The following ADGRL2 variants were observed in gnomAD, a reference collection of about 807,000 sequenced individuals.
ADGRL2 encodes calcium-independent alpha-latrotoxin receptor 2.
ADGRL2 carries 44 observed loss-of-function variants against 157.4 expected under a neutral mutation model. That is an observed-to-expected ratio of 0.28 (90% CI 0.22 to 0.36). The LOEUF is 0.36. Ranked by LOEUF, ADGRL2 falls within the 10% of genes least tolerant of loss-of-function variation. The probability of loss-of-function intolerance (pLI) is 1.00; values close to 1 mark genes in which losing one functional copy is unlikely to be tolerated. For synonymous variants in ADGRL2, 585 were observed against 624.7 expected (o/e 0.94, Z 0.95); for missense variants, 1,510 against 1,768.9 (o/e 0.85, Z 2.63).
Position 81,324,330 on chromosome 1 carries a change from C to A in ADGRL2, c.-302+17821C>A, listed in dbSNP as rs1054595964. On this transcript the variant is annotated intron_variant, in intron 1 of 24. Transcript: ENST00000370721. The stretch of plus-strand genomic sequence containing the variant: ...AGCAGCCCAGGCAATATGGCAAAAC[C>A]CTGTCTCTACAAAAAAAAAAATACA... Among the ~76,000 whole-genome samples the A allele has an allele frequency of 7.9e-5, 10 of 126,824 alleles. No individual in the cohort carries two copies. In the Admixed American group the frequency reaches 8.6e-4, roughly 11 times the overall value. The allele number at this position is 126,824 out of a possible 152,430, so 83.2% of individuals were successfully genotyped here.
intron 3 of ADGRL2, among the ~76,000 whole-genome samples, chr1:81,679,427 C>G (rs539410530): frequency 6.6e-6 from 1 of 151,256 alleles, no homozygotes; most frequent in Non-Finnish European, 1.5e-5. Flanking sequence ...AAACAGGATT[C>G]TTTTAAAGTA....
chr1:81,865,324 CTGATA>C (rs747153401), intron 2 of ADGRL2, among the ~76,000 whole-genome samples: 1 of 152,094 alleles, frequency 6.6e-6, no homozygotes, highest in African/African-American at 2.4e-5. Flanking sequence ...CAGACTCCTC[CTGATA>C]TAAAGATAAA....
chr1:81,540,261 T>C (rs17106659), intron 2 of ADGRL2, among the ~76,000 whole-genome samples: 3,263 of 152,348 alleles, frequency 0.021, 42 homozygotes, highest in Middle Eastern at 0.054. Context: ...TCAGAACTCA[T>C]TCCAATTTTA....
chr1:81,764,189 C>CAAA (rs34716755), intron 2 of ADGRL2, among the ~76,000 whole-genome samples: 13,550 of 101,172 alleles, frequency 0.13, 1,068 homozygotes, highest in East Asian at 0.21. Flanking sequence ...GAGACTCTGT[C>CAAA]AAAAAAAAAA....
intron 3 of ADGRL2, among the ~76,000 whole-genome samples, chr1:81,662,252 C>CTTTTT (rs368764970): frequency 1.5e-3 from 194 of 127,460 alleles, no homozygotes; most frequent in African/African-American, 1.6e-3. Flanking sequence ...CTCATTCATT[C>CTTTTT]TTTTTTTTTT....
intron 2 of ADGRL2, among the ~76,000 whole-genome samples, chr1:81,843,490 A>G (rs2092678730): frequency 1.3e-5 from 2 of 152,160 alleles, no homozygotes; most frequent in South Asian, 4.1e-4. Flanking sequence ...CACTTTAGAT[A>G]TTCTTTATTT....
chr1:81,447,652 CAAAGAA>C (rs1233526541), intron 2 of ADGRL2, among the ~76,000 whole-genome samples: 3 of 151,966 alleles, frequency 2.0e-5, no homozygotes, highest in African/African-American at 7.2e-5. Context: ...GAAGGGACCT[CAAAGAA>C]AAAGGCTGAT....
At chr1:81,651,490 C>T (rs759641554) in intron 3 of ADGRL2, among the ~76,000 whole-genome samples, 13 of 152,070 alleles carry the variant, frequency 8.5e-5, no homozygotes, top group African/African-American at 2.9e-4. Context: ...TTTCTGCAAA[C>T]GTACACAAAA....
chr1:81,968,045 C>G lies in ADGRL2; in HGVS notation c.2369C>G (p.Ala790Gly), dbSNP rs1234596485. 1 of 1,613,778 alleles carries G rather than the reference C, an allele frequency of 6.2e-7. No individual in the cohort carries two copies. The highest frequency in any genetic ancestry group is 8.5e-7 in the Non-Finnish European group (1 of 1,179,742). ...PHIDPDNYFN[A>G]NCSFWNYSER... ...TCCCAGCCTGACAATTATTTCAATG[C>G]AAACTGCTCCTTCTGGAACTACTCA... Residue 790 changes from alanine to glycine, a missense_variant, in exon 14 of 24, where the codon GCA (alanine) becomes GGA (glycine). Ala to Gly is a moderately conservative substitution (Grantham distance 60). This residue lies in a region of ADGRL2 where 497 missense variants were observed against 627.2 expected (regional missense o/e 0.79). Coordinates refer to ENST00000686636, the MANE Select transcript of ADGRL2 (RefSeq NM_001366006.2).
In ADGRL2 at chr1:81,993,729, C is replaced by T. The variant is rs1055556930; in HGVS notation, c.*2584C>T. ...ACTACTGACTGTTTTAATGCAGATG[C>T]GTTATTGTATTTATTAACCCAGTTT... On this transcript the variant is annotated 3_prime_UTR_variant, in exon 24 of 24. Coordinates refer to ENST00000686636, the MANE Select transcript of ADGRL2 (RefSeq NM_001366006.2). Among the ~76,000 whole-genome samples the T allele has an allele frequency of 4.6e-5, 7 of 152,098 alleles. No individual in the cohort carries two copies. Among genetic ancestry groups the T allele is most frequent in the East Asian group, 1.9e-4 (1 of 5,178 alleles).
chr1:81,314,734 G>A (rs1431874416), intron 1 of ADGRL2, among the ~76,000 whole-genome samples: 1 of 152,114 alleles, frequency 6.6e-6, no homozygotes, highest in Non-Finnish European at 1.5e-5. Context: ...TGTTACACAT[G>A]CTGTGGCAGA....
intron 22 of ADGRL2, chr1:81,987,420 A>G: frequency 1.1e-6 from 1 of 892,776 alleles, no homozygotes; most frequent in Non-Finnish European, 1.9e-6. Flanking sequence ...GAATTAGCTA[A>G]TGAAGATAAT....
At chr1:81,574,682 G>A (rs952266493) in intron 2 of ADGRL2, among the ~76,000 whole-genome samples, 7 of 152,126 alleles carry the variant, frequency 4.6e-5, no homozygotes, top group South Asian at 2.1e-4. Context: ...CTCAGGCTGC[G>A]TGGTGGAGAT....
At chr1:81,835,942 T>C (rs1476967721) in intron 1 of ADGRL2, among the ~76,000 whole-genome samples, 1 of 152,150 alleles carries the variant, frequency 6.6e-6, no homozygotes, top group African/African-American at 2.4e-5. Flanking sequence ...TACATTATAA[T>C]GAACTGATAG....
chr1:81,766,504 G>A (rs1401998311), intron 2 of ADGRL2, among the ~76,000 whole-genome samples: 1 of 151,922 alleles, frequency 6.6e-6, no homozygotes, highest in African/African-American at 2.4e-5. Context: ...AAAATATTTA[G>A]TAGCTAAAAA....
chr1:81,751,560 A>G (rs1255191359), intron 1 of ADGRL2, among the ~76,000 whole-genome samples: 1 of 152,232 alleles, frequency 6.6e-6, no homozygotes, highest in African/African-American at 2.4e-5. Context: ...AATCTTTCAG[A>G]TCGAAAGACT....
intron 3 of ADGRL2, among the ~76,000 whole-genome samples, chr1:81,600,040 A>G (rs1289053702): frequency 6.6e-6 from 1 of 152,198 alleles, no homozygotes; most frequent in African/African-American, 2.4e-5. Flanking sequence ...AACAACTTGT[A>G]TTTACATGCC....
intron 16 of ADGRL2, among the ~76,000 whole-genome samples, chr1:81,971,498 T>C (rs543911053): frequency 6.6e-6 from 1 of 152,260 alleles, no homozygotes; most frequent in East Asian, 1.9e-4. Flanking sequence ...GAAAATTATA[T>C]GTAGGACTTT....
chr1:81,589,629 C>A (rs1450368967), intron 3 of ADGRL2, among the ~76,000 whole-genome samples: 2 of 152,166 alleles, frequency 1.3e-5, no homozygotes, highest in African/African-American at 2.4e-5. Context: ...CAGCTATGTG[C>A]AGATAGAGGA....
Sources: allele counts gnomAD v4.1 joint callset (sites outside exome capture counted in the v4.1 genomes callset), GRCh38; gene constraint gnomAD v4.1.1; regional missense constraint gnomAD v4.1.1; transcripts MANE v1.5; gene names NCBI Gene and HGNC (gene_info 2026-07-23, HGNC 2026-07-21).